Variants in LRRC39 observed in about 807,000 individuals in gnomAD.
The protein encoded by LRRC39 is leucine rich repeat containing 39, also known as leucine-rich repeat-containing protein 39.
A neutral mutation model predicts 39.7 loss-of-function variants in LRRC39; 35 were observed. That is an observed-to-expected ratio of 0.88 (90% CI 0.67 to 1.17). The LOEUF is 1.17. Ranked by LOEUF, LRRC39 falls within the 50% of genes most tolerant of loss-of-function variation. The pLI, the probability that LRRC39 is intolerant of heterozygous loss-of-function variation, is 0.00. For missense variants in LRRC39, 357 were observed against 385.8 expected, an observed-to-expected ratio of 0.93 and a Z score of 0.62; for synonymous variants, 113 against 134.1, an observed-to-expected ratio of 0.84 and a Z score of 1.09.
rs77741989 is a variant in LRRC39 at position 100,164,649 on chromosome 1, C to A, written c.113+3755G>T. Among the ~76,000 whole-genome samples, 643 of 152,050 alleles carry A rather than the reference C, an allele frequency of 4.2e-3. 8 individuals are homozygous for A. The highest frequency in any genetic ancestry group is 0.015 in the African/African-American group (615 of 41,480). On this transcript the variant is annotated intron_variant, in intron 3 of 9. Coordinates refer to ENST00000370137, the MANE Select transcript of LRRC39 (RefSeq NM_144620.4). ...GCTTCTCTGTCTCACTTTAAAAGGT[C>A]TCTCAGATTCTTACCATTTTGCGTC...
chr1:100,149,602 G>T, intron 9 of LRRC39: 1 of 547,618 alleles, frequency 1.8e-6, no homozygotes. Flanking sequence ...ATATATGTAG[G>T]CACAAACAAT....
At chr1:100,153,682 T>A (rs1034056329) in intron 8 of LRRC39, among the ~76,000 whole-genome samples, 1 of 152,118 alleles carries the variant, frequency 6.6e-6, no homozygotes, top group African/African-American at 2.4e-5. Flanking sequence ...TCTAAAATAA[T>A]TTTTAAAAAG....
chr1:100,172,979 G>A (rs1276085761), intron 2 of LRRC39, among the ~76,000 whole-genome samples: 1 of 149,440 alleles, frequency 6.7e-6, no homozygotes, highest in Non-Finnish European at 1.5e-5. Context: ...AAAAAATTAG[G>A]AGGTTGCAGT....
chr1:100,155,049 A>G lies in LRRC39; in HGVS notation c.812+2T>C. On this transcript the variant is annotated splice_donor_variant, in intron 8 of 9. Coordinates refer to ENST00000370137, the MANE Select transcript of LRRC39 (RefSeq NM_144620.4). LOFTEE classifies it high-confidence loss of function. ...TTCAGTTTTGTGCCTACAACTTTTT[A>G]CCTCAGATTTGCCATTTCTTCCATG... 1 of 1,562,876 alleles carries G rather than the reference A, an allele frequency of 6.4e-7. No homozygotes were observed. The highest frequency in any genetic ancestry group is 1.2e-5 in the South Asian group (1 of 82,028).
In LRRC39 at chr1:100,160,589, C is replaced by G. The variant is rs776130475; in HGVS notation, c.114-18G>C. 6.4e-7 allele frequency: 1 copy of G among 1,561,650 alleles called. No homozygotes were observed. Among genetic ancestry groups the G allele is most frequent in the South Asian group, 1.2e-5 (1 of 86,720 alleles). On this transcript the variant is annotated intron_variant, in intron 3 of 9. Transcript: ENST00000370137. ...GCACTAGCCTAGGAAACCAGGAAATCATTTTAGTTCATAGACAATTACATA... is the reference window on the plus strand; with the variant it reads ...GCACTAGCCTAGGAAACCAGGAAATGATTTTAGTTCATAGACAATTACATA...
Position 100,148,935 on chromosome 1 carries a change from C to T in LRRC39, c.*107G>A, listed in dbSNP as rs1657655367. On this transcript the variant is annotated 3_prime_UTR_variant, in exon 10 of 10. Transcript: ENST00000370137. Reference sequence around the variant, plus strand: ...CAAATAATATGAACTTTAAAAAATGCTGTGGCCTCATTAAACTTTGGTAAT... The same window carrying T: ...CAAATAATATGAACTTTAAAAAATGTTGTGGCCTCATTAAACTTTGGTAAT... The T allele has an allele frequency of 5.1e-6, 6 of 1,178,608 alleles. No individual in the cohort carries two copies. The highest frequency in any genetic ancestry group is 2.9e-5 in the Admixed American group (1 of 33,968). 73.0% of individuals were successfully genotyped at this position (1,178,608 alleles called of 1,614,324 possible).
chr1:100,160,443 T>A (rs772156996), intron 4 of LRRC39, 23 bp downstream of exon 4: 1 of 1,592,506 alleles, frequency 6.3e-7, no homozygotes, highest in African/African-American at 1.3e-5. Context: ...ATGTGGAAAA[T>A]CAAATATTCT....
intron 3 of LRRC39, among the ~76,000 whole-genome samples, chr1:100,167,266 AAC>A (rs1353616178): frequency 6.6e-6 from 1 of 152,218 alleles, no homozygotes; most frequent in African/African-American, 2.4e-5. Flanking sequence ...GTCATCTTGT[AAC>A]ACTGAAGGAA....
At chr1:100,155,266 TAAC>T (rs1658380404) in intron 7 of LRRC39, 63 bp from the exon 8 acceptor site, 2 of 1,382,182 alleles carry the variant, frequency 1.4e-6, no homozygotes, top group Non-Finnish European at 1.9e-6. Context: ...TTTGGAGTTT[TAAC>T]AAATAATTTT....
In LRRC39 at chr1:100,155,080, T is replaced by C; in HGVS notation, c.783A>G (p.Pro261=). The part of the protein sequence containing the change: ...VLSNNKLQDI[P]VCMEEMANLR... ...GATTTGCCATTTCTTCCATGCATAC[T>C]GGAATATCTTGCAGTTTATTGTTGC... is the stretch of plus-strand genomic sequence containing the variant. The change falls in exon 8 of 10, where the codon CCA becomes CCG. Residue 261 remains proline (P), a synonymous_variant. Coordinates refer to ENST00000370137, the MANE Select transcript of LRRC39 (RefSeq NM_144620.4). 6.3e-7 allele frequency: 1 copy of C among 1,597,598 alleles called. No individual in the cohort carries two copies. Among genetic ancestry groups the C allele is most frequent in the South Asian group, 1.1e-5 (1 of 86,978 alleles).
chr1:100,149,515 T>TA (rs1657738827), intron 9 of LRRC39: 1 of 1,324,028 alleles, frequency 7.6e-7, no homozygotes, highest in Non-Finnish European at 1.0e-6. Flanking sequence ...AAAAGATACT[T>TA]ACAAACATAA....
intron 6 of LRRC39, among the ~76,000 whole-genome samples, chr1:100,157,690 C>T (rs1658567868): frequency 6.6e-6 from 1 of 152,130 alleles, no homozygotes; most frequent in Non-Finnish European, 1.5e-5. Context: ...TAACTTTTAT[C>T]TTGTAAAGTC....
intron 6 of LRRC39, 112 bp from the exon 7 acceptor site, chr1:100,156,429 G>A: frequency 9.3e-7 from 1 of 1,074,670 alleles, no homozygotes; most frequent in Non-Finnish European, 1.3e-6. Context: ...ATTTTACTTG[G>A]GCTTTATTTA....
intron 3 of LRRC39, among the ~76,000 whole-genome samples, chr1:100,161,091 A>AG (rs1342205759): frequency 2.6e-5 from 4 of 152,172 alleles, no homozygotes; most frequent in African/African-American, 9.7e-5. Flanking sequence ...TTTATTAATA[A>AG]CTTTTTTGAG....
In LRRC39 at chr1:100,159,606, C is replaced by CTTT. The variant is rs10593200; in HGVS notation, c.220-194_220-192dup. On this transcript the variant is annotated intron_variant, in intron 4 of 9. Coordinates refer to ENST00000370137, the MANE Select transcript of LRRC39 (RefSeq NM_144620.4). Reference sequence around the variant, plus strand: ...GATCTTTCCTTTTTTTTTTCTTTTCCTTTTTTTTTTTTTTTTTTTTTGGCT... The same window carrying CTTT: ...GATCTTTCCTTTTTTTTTTCTTTTCCTTTTTTTTTTTTTTTTTTTTTTTTGGCT... Among the ~76,000 whole-genome samples the CTTT allele has an allele frequency of 2.5e-3, 105 of 41,244 alleles. 9 individuals carry two copies. The highest frequency in any genetic ancestry group is 3.5e-3 in the East Asian group (5 of 1,418). 27.1% of individuals were successfully genotyped at this position (41,244 alleles called of 152,430 possible). A position where few individuals can be genotyped will look rare whatever the true frequency, so the allele number is the denominator to read the frequency against.
rs1303147114 is a variant in LRRC39, at chr1:100,156,161, A to T, written c.659+11T>A. ...ACTTTTATCATTAGCATAAAGAGTTATTTCTTTTACCTTTCTATAGTATCA... is the reference window on the plus strand; with the variant it reads ...ACTTTTATCATTAGCATAAAGAGTTTTTTCTTTTACCTTTCTATAGTATCA... On this transcript the variant is annotated intron_variant, in intron 7 of 9. Transcript: ENST00000370137. The T allele has an allele frequency of 6.2e-7, 1 of 1,607,070 alleles. No individual in the cohort carries two copies. The highest frequency in any genetic ancestry group is 1.3e-5 in the African/African-American group (1 of 74,574).
intron 3 of LRRC39, among the ~76,000 whole-genome samples, chr1:100,164,636 C>A (rs1659113371): frequency 6.6e-6 from 1 of 152,104 alleles, no homozygotes; most frequent in Non-Finnish European, 1.5e-5. Flanking sequence ...TTCTCTGTCT[C>A]ACTTTAAAAG....
At chr1:100,172,542 G>C (rs891840454) in intron 2 of LRRC39, among the ~76,000 whole-genome samples, 2 of 151,242 alleles carry the variant, frequency 1.3e-5, no homozygotes, top group Non-Finnish European at 2.9e-5. Context: ...TACAAAAAAG[G>C]CCAGGCGTGG....
chr1:100,162,897 G>C (rs1195942854), intron 3 of LRRC39, among the ~76,000 whole-genome samples: 1 of 152,182 alleles, frequency 6.6e-6, no homozygotes, highest in Non-Finnish European at 1.5e-5. Flanking sequence ...TATATTAACT[G>C]ATCTTCAATA....
Sources: allele counts gnomAD v4.1 joint callset (sites outside exome capture counted in the v4.1 genomes callset), GRCh38; gene constraint gnomAD v4.1.1; transcripts MANE v1.5; gene names NCBI Gene and HGNC (gene_info 2026-07-23, HGNC 2026-07-21).